Variants in APBA2 observed in about 807,000 individuals in gnomAD.
APBA2 encodes the protein amyloid beta precursor protein binding family A member 2, also known as amyloid-beta A4 precursor protein-binding family A member 2.
A neutral mutation model predicts 75.0 loss-of-function variants in APBA2; 30 were observed. That is an observed-to-expected ratio of 0.40 (90% CI 0.30 to 0.54). APBA2 has a LOEUF of 0.54. Ranked by LOEUF, APBA2 falls within the 20% of genes least tolerant of loss-of-function variation. The pLI is 0.49. For synonymous variants in APBA2, 444 were observed against 409.6 expected (o/e 1.08, Z -1.01); for missense variants, 801 against 1,016.1 (o/e 0.79, Z 2.88).
Position 28,886,244 on chromosome 15 carries a change from G to C in APBA2, c.-239G>C, listed in dbSNP as rs907752234. 1 of 148,022 alleles carries C rather than the reference G, an allele frequency of 6.8e-6. No homozygotes were observed. Among genetic ancestry groups the C allele is most frequent in the Non-Finnish European group, 1.5e-5 (1 of 66,664 alleles). 9.2% of individuals were successfully genotyped at this position (148,022 alleles called of 1,614,324 possible). A position where few individuals can be genotyped will look rare whatever the true frequency, so the allele number is the denominator to read the frequency against. ...GAGCCGGCGGCAGCGGGGCGGGGAC[G>C]GCGGCGTACCCGGGCAGCCCAGCGC... On this transcript the variant is annotated 5_prime_UTR_variant, in exon 1 of 15. Transcript: ENST00000683413.
chr15:29,024,920 T>C lies in APBA2; in HGVS notation c.-40-28925T>C, dbSNP rs2040139072. Among the ~76,000 whole-genome samples the C allele has an allele frequency of 3.3e-5, 5 of 152,266 alleles. No homozygotes were observed. In the South Asian group the frequency reaches 1.0e-3, roughly 32 times the overall value. On this transcript the variant is annotated intron_variant, in intron 3 of 14. Transcript: ENST00000683413. ...GAGGTATAGCCTTGGGGCTTGCAGG[T>C]GGACGGTTCCCATTCCACTGTCGAG...
At chr15:29,104,226 C>T (rs185521421) in intron 10 of APBA2, among the ~76,000 whole-genome samples, 5 of 152,334 alleles carry the variant, frequency 3.3e-5, no homozygotes, top group East Asian at 3.9e-4. Flanking sequence ...TTGCTGGGGG[C>T]GCCCGTGCAG....
At chr15:29,000,834 A>G (rs2038805319) in intron 3 of APBA2, among the ~76,000 whole-genome samples, 2 of 152,206 alleles carry the variant, frequency 1.3e-5, no homozygotes, top group South Asian at 4.2e-4. Context: ...GGCCCCTAGA[A>G]TGCTAGGATT....
At chr15:29,085,739 T>C (rs1284743071) in intron 6 of APBA2, among the ~76,000 whole-genome samples, 1 of 152,150 alleles carries the variant, frequency 6.6e-6, no homozygotes, top group Non-Finnish European at 1.5e-5. Context: ...TTGTTTCCTT[T>C]CTTTCTGGTA....
intron 6 of APBA2, among the ~76,000 whole-genome samples, chr15:29,091,670 A>C (rs1595939937): frequency 1.3e-5 from 2 of 152,330 alleles, no homozygotes; most frequent in East Asian, 3.9e-4. Flanking sequence ...GGGCAGATAC[A>C]CAGGACTGGG....
intron 3 of APBA2, among the ~76,000 whole-genome samples, chr15:29,043,347 A>G (rs939161807): frequency 2.0e-5 from 3 of 152,194 alleles, no homozygotes; most frequent in Non-Finnish European, 4.4e-5. Context: ...TAGGCCCAAC[A>G]TTAACCCCAA....
intron 4 of APBA2, among the ~76,000 whole-genome samples, chr15:29,072,798 C>A (rs181018394): frequency 1.6e-4 from 24 of 152,194 alleles, no homozygotes; most frequent in African/African-American, 5.5e-4. Flanking sequence ...CTGTGGGGCT[C>A]AGGGGTAGGG....
At position 28,923,430 on chromosome 15, in the gene APBA2, T is replaced by C. The variant is rs531913058; in HGVS notation, c.-95+1681T>C. ...ACCCTAACTCTGATATATAGAGTTATGTCATCATTTAGGTGAACCCTTATG... is the reference window on the plus strand; with the variant it reads ...ACCCTAACTCTGATATATAGAGTTACGTCATCATTTAGGTGAACCCTTATG... On this transcript the variant is annotated intron_variant, in intron 2 of 14. Coordinates refer to ENST00000683413, the MANE Select transcript of APBA2 (RefSeq NM_001353788.2). 6.8e-4 allele frequency among the ~76,000 whole-genome samples: 104 copies of C among 152,256 alleles called. 1 individual carries two copies. In the South Asian group the frequency reaches 0.021, roughly 30 times the overall value.
At chr15:28,967,928 A>G (rs1244315136) in intron 2 of APBA2, among the ~76,000 whole-genome samples, 2 of 152,016 alleles carry the variant, frequency 1.3e-5, no homozygotes, top group Non-Finnish European at 2.9e-5. Context: ...TAACCTCTGC[A>G]CTCATTAAGC....
At chr15:29,037,120 C>T (rs2040791095) in intron 3 of APBA2, among the ~76,000 whole-genome samples, 1 of 151,944 alleles carries the variant, frequency 6.6e-6, no homozygotes, top group Admixed American at 6.6e-5. Context: ...CTAGGAGAAA[C>T]TTGCTACTTA....
At chr15:28,927,498 G>T (rs1490704375) in intron 2 of APBA2, among the ~76,000 whole-genome samples, 1 of 151,784 alleles carries the variant, frequency 6.6e-6, no homozygotes, top group Admixed American at 6.6e-5. Flanking sequence ...TTCCCTTTTG[G>T]TATTCCAGTT....
chr15:28,947,015 G>C (rs1266489266), intron 2 of APBA2, among the ~76,000 whole-genome samples: 2 of 152,222 alleles, frequency 1.3e-5, no homozygotes, highest in Admixed American at 1.3e-4. Context: ...TTCCATTGCA[G>C]CAAGATTGAT....
intron 1 of APBA2, among the ~76,000 whole-genome samples, chr15:28,913,140 C>T (rs1474455563): frequency 6.6e-6 from 1 of 152,210 alleles, no homozygotes; most frequent in African/African-American, 2.4e-5. Context: ...GCAAAAACTT[C>T]TGGGCCAAAA....
chr15:28,957,987 A>T (rs2036264943), intron 2 of APBA2, among the ~76,000 whole-genome samples: 1 of 152,194 alleles, frequency 6.6e-6, no homozygotes, highest in Admixed American at 6.5e-5. Flanking sequence ...GAGCCGAGAC[A>T]GGCGGGGGAG....
At chr15:29,051,759 C>T (rs1763143036) in intron 3 of APBA2, among the ~76,000 whole-genome samples, 1 of 152,050 alleles carries the variant, frequency 6.6e-6, no homozygotes, top group Non-Finnish European at 1.5e-5. Flanking sequence ...GTGGCCTAAA[C>T]TAAAGAGACA....
chr15:28,959,854 C>T (rs934982566), intron 2 of APBA2, among the ~76,000 whole-genome samples: 1 of 152,146 alleles, frequency 6.6e-6, no homozygotes, highest in African/African-American at 2.4e-5. Context: ...CAGTTAACAA[C>T]ACTTTGAGGC....
Position 28,940,933 on chromosome 15 carries a change from G to A in APBA2, c.-95+19184G>A, listed in dbSNP as rs577031307. On this transcript the variant is annotated intron_variant, in intron 2 of 14. Transcript: ENST00000683413. The stretch of plus-strand genomic sequence containing the variant: ...CACGAGGATAGTGTTAAAAGGACTC[G>A]TGAGCTCACCTGATGAGGCCAGAGA... 6.6e-5 allele frequency among the ~76,000 whole-genome samples: 10 copies of A among 152,308 alleles called. No homozygotes were observed. The South Asian group carries it at 2.1e-3, about 32-fold the overall frequency.
At chr15:29,015,793 C>T (rs370120135) in intron 3 of APBA2, among the ~76,000 whole-genome samples, 3 of 152,088 alleles carry the variant, frequency 2.0e-5, no homozygotes, top group Admixed American at 1.3e-4. Flanking sequence ...GAAGGGAGTT[C>T]GGAGGAAGTC....
intron 6 of APBA2, among the ~76,000 whole-genome samples, chr15:29,079,154 T>G (rs570167637): frequency 6.6e-6 from 1 of 152,164 alleles, no homozygotes; most frequent in South Asian, 2.1e-4. Flanking sequence ...GGGGTGATTG[T>G]GAGAGATACT....
Sources: gnomAD v4.1 joint callset for allele counts (sites outside exome capture counted in the v4.1 genomes callset) on GRCh38, gnomAD v4.1.1 for gene constraint, MANE v1.5 for transcripts, NCBI Gene and HGNC (gene_info 2026-07-23, HGNC 2026-07-21) for gene names.